Variants in ATP9B observed in about 807,000 individuals in gnomAD.
ATP9B encodes the protein probable phospholipid-transporting ATPase IIB.
ATP9B carries 110 observed loss-of-function variants against 146.1 expected under a neutral mutation model. The observed-to-expected ratio is 0.75, with a 90% confidence interval of 0.65 to 0.88. ATP9B has a LOEUF of 0.88. Ranked by LOEUF, ATP9B falls within the 40% of genes least tolerant of loss-of-function variation. The pLI is 0.00. For synonymous variants in ATP9B, 604 were observed against 569.7 expected (o/e 1.06, Z -0.86); for missense variants, 1,499 against 1,496.4 (o/e 1.00, Z -0.03).
At chr18:79,172,078 G>A (rs1410673420) in intron 7 of ATP9B, among the ~76,000 whole-genome samples, 2 of 152,134 alleles carry the variant, frequency 1.3e-5, no homozygotes, top group Non-Finnish European at 2.9e-5. Flanking sequence ...TGGTAGAGAC[G>A]GGGTTTCACC....
intron 26 of ATP9B, chr18:79,361,754 C>T: frequency 1.0e-6 from 1 of 985,370 alleles, no homozygotes; most frequent in Non-Finnish European, 1.2e-6. Context: ...CAAGGTAGCA[C>T]AGACTGCAGC....
chr18:79,172,094 G>C (rs927193872), intron 7 of ATP9B, among the ~76,000 whole-genome samples: 3 of 152,190 alleles, frequency 2.0e-5, no homozygotes, highest in Middle Eastern at 3.2e-3. Flanking sequence ...TCACCATGCT[G>C]TTCAGGCTGG....
chr18:79,226,669 G>A (rs1471200313), intron 11 of ATP9B, among the ~76,000 whole-genome samples: 1 of 152,224 alleles, frequency 6.6e-6, no homozygotes, highest in Non-Finnish European at 1.5e-5. Flanking sequence ...CTCACCCGCA[G>A]TAGATGGGGG....
rs11444921 is a variant in ATP9B at position 79,215,147 on chromosome 18, C to CAAA, written c.1107+1125_1107+1127dup. Among the ~76,000 whole-genome samples the CAAA allele has an allele frequency of 1.9e-3, 222 of 115,690 alleles. 1 individual carries two copies. The highest frequency in any genetic ancestry group is 4.2e-3 in the African/African-American group (132 of 31,340). 75.9% of individuals were successfully genotyped at this position (115,690 alleles called of 152,430 possible). A position where few individuals can be genotyped will look rare whatever the true frequency, so the allele number is the denominator to read the frequency against. On this transcript the variant is annotated intron_variant, in intron 11 of 29. Transcript: ENST00000426216. ...TGGGCAACAGGGTGAGATTCTGTCT[C>CAAA]AAAAAAAAAAAAAAAAAAGATATAT...
At chr18:79,090,754 A>G (rs1271653008) in intron 1 of ATP9B, among the ~76,000 whole-genome samples, 1 of 152,002 alleles carries the variant, frequency 6.6e-6, no homozygotes, top group Non-Finnish European at 1.5e-5. Context: ...TGTTGATTGT[A>G]TCATTTGTTC....
intron 3 of ATP9B, among the ~76,000 whole-genome samples, chr18:79,112,543 A>G (rs1456669089): frequency 6.6e-6 from 1 of 152,152 alleles, no homozygotes; most frequent in African/African-American, 2.4e-5. Flanking sequence ...AGAATTAACT[A>G]CCCAAAGACC....
chr18:79,355,624 C>T (rs1180805094), intron 25 of ATP9B, among the ~76,000 whole-genome samples: 2 of 149,366 alleles, frequency 1.3e-5, no homozygotes, highest in East Asian at 1.9e-4. Flanking sequence ...GTAATTCTAC[C>T]GTTTGTGCCG....
chr18:79,372,803 C>T (rs372135014), intron 26 of ATP9B, 22 bp from the exon 27 acceptor site: 71 of 1,568,828 alleles, frequency 4.5e-5, no homozygotes, highest in East Asian at 4.5e-5. Flanking sequence ...GCACTAACGA[C>T]GCTCTTCCAC....
Position 79,290,568 on chromosome 18 carries a change from G to T in ATP9B, c.1412-13036G>T, listed in dbSNP as rs371252252. Among the ~76,000 whole-genome samples the T allele has an allele frequency of 2.0e-5, 3 of 152,330 alleles. No homozygotes were observed. The South Asian group carries it at 6.2e-4, about 32-fold the overall frequency. On this transcript the variant is annotated intron_variant, in intron 13 of 29. Transcript: ENST00000426216. ...GAACTCCCTGACCCTTGCTCTTCCCGAGTGAGGCAATGCCTCGCCCTGCTT... is the reference window on the plus strand; with the variant it reads ...GAACTCCCTGACCCTTGCTCTTCCCTAGTGAGGCAATGCCTCGCCCTGCTT...
At chr18:79,208,619 C>G (rs2095556101) in intron 10 of ATP9B, among the ~76,000 whole-genome samples, 2 of 152,026 alleles carry the variant, frequency 1.3e-5, no homozygotes, top group Non-Finnish European at 2.9e-5. Flanking sequence ...TGTTTTGTGT[C>G]TTTAAAAAAT....
At position 79,233,742 on chromosome 18, in the gene ATP9B, A is replaced by G. The variant is rs375921956; in HGVS notation, c.1108-19639A>G. Among the ~76,000 whole-genome samples, 3 of 152,308 alleles carry G rather than the reference A, an allele frequency of 2.0e-5. 1 individual carries two copies. The East Asian group carries it at 5.8e-4, about 29-fold the overall frequency. On this transcript the variant is annotated intron_variant, in intron 11 of 29. Coordinates refer to ENST00000426216, the MANE Select transcript of ATP9B (RefSeq NM_198531.5). ...CCCCTGTGCAGTCAACAATCCACGC[A>G]TAAGTTTTGACTCTCCCCAAATTTA... is the stretch of plus-strand genomic sequence containing the variant.
chr18:79,092,617 A>T (rs576612277), intron 1 of ATP9B, among the ~76,000 whole-genome samples: 73 of 150,738 alleles, frequency 4.8e-4, no homozygotes, highest in East Asian at 1.9e-3. Context: ...TTTCTTTTTT[A>T]AAAAAATTTA....
In ATP9B at chr18:79,157,414, A is replaced by C. The variant is rs1230419898; in HGVS notation, c.778+2859A>C. ...TCCATCTCAAAAAAAAAAAAAAAAAAAAAAAAAAAACATGTATTGACTTAT... is the reference window on the plus strand; with the variant it reads ...TCCATCTCAAAAAAAAAAAAAAAAACAAAAAAAAAACATGTATTGACTTAT... On this transcript the variant is annotated intron_variant, in intron 7 of 29. Coordinates refer to ENST00000426216, the MANE Select transcript of ATP9B (RefSeq NM_198531.5). 1.5e-3 allele frequency among the ~76,000 whole-genome samples: 220 copies of C among 145,336 alleles called. 3 individuals carry two copies. The highest frequency in any genetic ancestry group is 4.8e-3 in the African/African-American group (195 of 40,372).
At chr18:79,310,068 G>T (rs758573904) in intron 15 of ATP9B, among the ~76,000 whole-genome samples, 32 of 152,192 alleles carry the variant, frequency 2.1e-4, no homozygotes, top group Non-Finnish European at 3.8e-4. Flanking sequence ...TCAGCATGTG[G>T]GCCAGACAGA....
At chr18:79,099,253 T>C (rs751339125) in intron 2 of ATP9B, among the ~76,000 whole-genome samples, 4 of 152,168 alleles carry the variant, frequency 2.6e-5, no homozygotes, top group Non-Finnish European at 5.9e-5. Context: ...GACGGAGTCT[T>C]GCTTTGTTGC....
At position 79,347,316 on chromosome 18, in the gene ATP9B, G is replaced by A. The variant is rs577129307; in HGVS notation, c.2683-454G>A. ...TTTTGTAATGCCTTACAACAGCGTT[G>A]TGAAAGAGGGGATAGATTGTTTCTT... is the stretch of plus-strand genomic sequence containing the variant. On this transcript the variant is annotated intron_variant, in intron 23 of 29. Coordinates refer to ENST00000426216, the MANE Select transcript of ATP9B (RefSeq NM_198531.5). Among the ~76,000 whole-genome samples the A allele has an allele frequency of 2.2e-3, 330 of 152,376 alleles. 2 individuals are homozygous for A. Among genetic ancestry groups the A allele is most frequent in the African/African-American group, 7.6e-3 (318 of 41,588 alleles).
At chr18:79,344,494 C>G in intron 21 of ATP9B, 140 bp downstream of exon 21, 1 of 795,338 alleles carries the variant, frequency 1.3e-6, no homozygotes, top group Non-Finnish European at 2.2e-6. Context: ...GTCTGTGTCT[C>G]TGAGGCAAGG....
chr18:79,126,353 A>G lies in ATP9B; in HGVS notation c.645A>G (p.Leu215=). 3 of 1,611,184 alleles carry G rather than the reference A, an allele frequency of 1.9e-6. No individual in the cohort carries two copies. Among genetic ancestry groups the G allele is most frequent in the Non-Finnish European group, 1.7e-6 (2 of 1,178,042 alleles). The part of the protein sequence containing the change: ...FQRDKEVNSQ[L]YSKLTVRGKV... ...GTGACAAGGAAGTGAATTCACAACT[A>G]TATAGCAAGCTTACAGTAAGAGGTC... The change falls in exon 5 of 30, where the codon CTA becomes CTG. Residue 215 remains leucine, a synonymous_variant. Transcript: ENST00000426216.
chr18:79,104,539 C>G (rs1393466072), intron 2 of ATP9B, among the ~76,000 whole-genome samples: 1 of 152,118 alleles, frequency 6.6e-6, no homozygotes, highest in African/African-American at 2.4e-5. Flanking sequence ...GATTATTGAA[C>G]TAATTTTTCT....
Sources: allele counts gnomAD v4.1 joint callset (sites outside exome capture counted in the v4.1 genomes callset), GRCh38; gene constraint gnomAD v4.1.1; transcripts MANE v1.5; gene names NCBI Gene and HGNC (gene_info 2026-07-23, HGNC 2026-07-21).